JAKMIP2: variants seen among roughly 807,000 people sequenced by gnomAD.
JAKMIP2 encodes janus kinase and microtubule interacting protein 2.
Under a neutral mutation model 115.0 loss-of-function variants are expected in JAKMIP2, and 25 were observed. The observed-to-expected ratio is 0.22, with a 90% CI of 0.16 to 0.30. The LOEUF (loss-of-function observed/expected upper bound fraction) is 0.30. JAKMIP2 is among the 10% of genes least tolerant of loss of function. The probability of loss-of-function intolerance (pLI) is 1.00; values close to 1 mark genes in which losing one functional copy is unlikely to be tolerated. For synonymous variants in JAKMIP2, 334 were observed against 343.6 expected (o/e 0.97, Z 0.31); for missense variants, 642 against 957.6 (o/e 0.67, Z 4.35).
chr5:147,676,947 A>G (rs886908637), intron 1 of JAKMIP2, among the ~76,000 whole-genome samples: 18 of 152,198 alleles, frequency 1.2e-4, no homozygotes, highest in Non-Finnish European at 1.9e-4. Flanking sequence ...CTCTAGTGAT[A>G]AGAAGCTCCA....
chr5:147,678,098 G>A (rs182132129), intron 1 of JAKMIP2, among the ~76,000 whole-genome samples: 3 of 152,136 alleles, frequency 2.0e-5, no homozygotes, highest in East Asian at 3.9e-4. Context: ...TTTGCCCCCC[G>A]GATTCAAGCA....
intron 1 of JAKMIP2, among the ~76,000 whole-genome samples, chr5:147,714,359 G>A (rs1270297839): frequency 6.6e-6 from 1 of 152,122 alleles, no homozygotes; most frequent in East Asian, 1.9e-4. Flanking sequence ...GAAATCAATT[G>A]ATGAGTTCAT....
chr5:147,778,174 T>C (rs2127092074), intron 1 of JAKMIP2, among the ~76,000 whole-genome samples: 1 of 152,234 alleles, frequency 6.6e-6, no homozygotes. Context: ...AATAAGTGCA[T>C]ATTAGCCCAA....
Position 147,717,990 on chromosome 5 carries a change from A to T in JAKMIP2, c.-148-46036T>A, listed in dbSNP as rs143096004. 9.1e-3 allele frequency among the ~76,000 whole-genome samples: 691 copies of T among 75,628 alleles called. 11 individuals carry two copies. Among genetic ancestry groups the T allele is most frequent in the Admixed American group, 0.052 (324 of 6,202 alleles). 49.6% of individuals were successfully genotyped at this position (75,628 alleles called of 152,430 possible). A position where few individuals can be genotyped will look rare whatever the true frequency, so the allele number is the denominator to read the frequency against. ...ATGATATTGGCTGTGGGTTTGTCATAGATAGCTCTTATTATTTTGAAATAC... is the reference window on the plus strand; with the variant it reads ...ATGATATTGGCTGTGGGTTTGTCATTGATAGCTCTTATTATTTTGAAATAC... On this transcript the variant is annotated intron_variant, in intron 1 of 21. Transcript: ENST00000616793.
At position 147,773,018 on chromosome 5, in the gene JAKMIP2, C is replaced by G. The variant is rs189861661; in HGVS notation, c.-149+9438G>C. 1.1e-4 allele frequency among the ~76,000 whole-genome samples: 17 copies of G among 152,184 alleles called. No homozygotes were observed. In the East Asian group the frequency reaches 3.1e-3, roughly 28 times the overall value. ...GTTGTTCTGTTTTGTTCCTTTCATA[C>G]TTGCTATATTCAGAGCATATCAGAT... On this transcript the variant is annotated intron_variant, in intron 1 of 21. Transcript: ENST00000616793.
Position 147,720,172 on chromosome 5 carries a change from T to C in JAKMIP2, c.-148-48218A>G, listed in dbSNP as rs540796762. Among the ~76,000 whole-genome samples the C allele has an allele frequency of 3.9e-5, 6 of 152,334 alleles. No homozygotes were observed. In the South Asian group the frequency reaches 1.2e-3, roughly 32 times the overall value. ...TCTTGTCTTTAAGAATGTTGAATAT[T>C]GGCCCCCACTCTCTTCTGGCTTGTA... is the stretch of plus-strand genomic sequence containing the variant. On this transcript the variant is annotated intron_variant, in intron 1 of 21. Transcript: ENST00000616793.
At chr5:147,654,995 T>C (rs1173156416) in intron 3 of JAKMIP2, among the ~76,000 whole-genome samples, 1 of 152,336 alleles carries the variant, frequency 6.6e-6, no homozygotes, top group African/African-American at 2.4e-5. Context: ...GTTTATGTGA[T>C]GGATTACATT....
At chr5:147,592,686 C>T (rs908557991) in intron 21 of JAKMIP2, among the ~76,000 whole-genome samples, 1 of 152,306 alleles carries the variant, frequency 6.6e-6, no homozygotes, top group South Asian at 2.1e-4. Context: ...TATTTAACTT[C>T]TCTAAGCCTC....
At chr5:147,682,011 G>A (rs1410187243) in intron 1 of JAKMIP2, among the ~76,000 whole-genome samples, 1 of 147,940 alleles carries the variant, frequency 6.8e-6, no homozygotes, top group East Asian at 2.0e-4. Flanking sequence ...CTGCACTCCA[G>A]CCTGAGTGAC....
At position 147,632,731 on chromosome 5, in the gene JAKMIP2, C is replaced by T. The variant is rs755552130; in HGVS notation, c.1725G>A (p.Gln575=). ...GCAGCTCATTCTGGTCTCTGGCGTC[C>T]TGTAGTTCTTGTTGTAACCGGTGAT... ...AENHRLQQEL[Q]DARDQNELLE... Residue 575 remains glutamine (Q), a synonymous_variant, in exon 13 of 22, where the codon CAG becomes CAA. Coordinates refer to ENST00000616793, the MANE Select transcript of JAKMIP2 (RefSeq NM_001270941.2). The T allele has an allele frequency of 1.2e-6, 2 of 1,613,334 alleles. No individual in the cohort carries two copies. The highest frequency in any genetic ancestry group is 1.7e-5 in the Admixed American group (1 of 59,922).
intron 2 of JAKMIP2, among the ~76,000 whole-genome samples, chr5:147,667,056 A>T (rs1314435924): frequency 6.6e-6 from 1 of 152,186 alleles, no homozygotes; most frequent in Non-Finnish European, 1.5e-5. Context: ...TCCAACAGAA[A>T]GAGATGTTCA....
Position 147,589,311 on chromosome 5 carries a change from G to A in JAKMIP2, c.*2396C>T, listed in dbSNP as rs1448532301. On this transcript the variant is annotated 3_prime_UTR_variant, in exon 22 of 22. Coordinates refer to ENST00000616793, the MANE Select transcript of JAKMIP2 (RefSeq NM_001270941.2). Reference sequence around the variant, plus strand: ...AAAATACAAAAATTAGCCAGGTGTGGTGGTGTGCACCTGTAATCCCAGCTA... The same window carrying A: ...AAAATACAAAAATTAGCCAGGTGTGATGGTGTGCACCTGTAATCCCAGCTA... The A allele has an allele frequency of 1.3e-5, 2 of 152,172 alleles. No individual in the cohort carries two copies. Among genetic ancestry groups the A allele is most frequent in the African/African-American group, 4.8e-5 (2 of 41,420 alleles). The allele number at this position is 152,172 out of a possible 1,614,324, so 9.4% of individuals were successfully genotyped here.
intron 1 of JAKMIP2, among the ~76,000 whole-genome samples, chr5:147,760,536 T>C (rs1391366238): frequency 6.6e-6 from 1 of 152,022 alleles, no homozygotes; most frequent in East Asian, 1.9e-4. Flanking sequence ...AAAATGACTT[T>C]AGAATTAAGC....
chr5:147,782,602 G>A lies in JAKMIP2; in HGVS notation c.-295C>T. On this transcript the variant is annotated 5_prime_UTR_variant, in exon 1 of 22. Transcript: ENST00000616793. ...TTTCCCTCTGTCTCTGGTTGGCGAT[G>A]GTGCGAATAGGAACCACCCTTCCAG... 1 of 801,056 alleles carries A rather than the reference G, an allele frequency of 1.2e-6. No homozygotes were observed. Among genetic ancestry groups the A allele is most frequent in the Non-Finnish European group, 2.1e-6 (1 of 478,108 alleles). The allele number at this position is 801,056 out of a possible 1,614,324, so 49.6% of individuals were successfully genotyped here. A position where few individuals can be genotyped will look rare whatever the true frequency, so the allele number is the denominator to read the frequency against.
rs530312183 is a variant in JAKMIP2, at chr5:147,708,685, GT to G, written c.-148-36732del. ...GAGATGCTTTTTAAAATTGATGTAT[GT>G]TTTTTTCCTGAAAAGACGGTAGTAA... On this transcript the variant is annotated intron_variant, in intron 1 of 21. Coordinates refer to ENST00000616793, the MANE Select transcript of JAKMIP2 (RefSeq NM_001270941.2). Among the ~76,000 whole-genome samples, 31 of 152,184 alleles carry G rather than the reference GT, an allele frequency of 2.0e-4. No individual in the cohort carries two copies. In the South Asian group the frequency reaches 6.2e-3, roughly 31 times the overall value.
intron 1 of JAKMIP2, among the ~76,000 whole-genome samples, chr5:147,702,469 G>A (rs1316000807): frequency 3.6e-5 from 5 of 137,986 alleles, no homozygotes; most frequent in African/African-American, 1.4e-4. Flanking sequence ...AAGGAAGGGA[G>A]GGAGGGAAGG....
Position 147,641,740 on chromosome 5 carries a change from T to G in JAKMIP2, c.1249A>C (p.Arg417=), listed in dbSNP as rs1561509289. 1 of 1,613,498 alleles carries G rather than the reference T, an allele frequency of 6.2e-7. No individual in the cohort carries two copies. Among genetic ancestry groups the G allele is most frequent in the South Asian group, 1.1e-5 (1 of 91,056 alleles). The change falls in exon 8 of 22, where the codon AGA becomes CGA. Residue 417 remains arginine (R), a synonymous_variant. Transcript: ENST00000616793. ...TRDREKLIRR[R]KHRRSSKPIK... is the part of the protein sequence containing the mutation. Reference sequence around the variant, plus strand: ...GGCTTGGAACTTCTTCTATGCTTTCTTCTACGGATGAGCTTTTCTCGGTCC... The same window carrying G: ...GGCTTGGAACTTCTTCTATGCTTTCGTCTACGGATGAGCTTTTCTCGGTCC...
chr5:147,764,938 G>GAAAGAAAGAAAGAAAGAAAGAAA (rs1561582448), intron 1 of JAKMIP2, among the ~76,000 whole-genome samples: 1 of 93,948 alleles, frequency 1.1e-5, no homozygotes, highest in East Asian at 3.8e-4. Context: ...GAGAGAGAGA[G>GAAAGAAAGAAAGAAAGAAAGAAA]AGAGAGAGGG....
In JAKMIP2 at chr5:147,674,546, T is replaced by G. The variant is rs114822141; in HGVS notation, c.-148-2592A>C. Among the ~76,000 whole-genome samples the G allele has an allele frequency of 2.1e-3, 318 of 152,302 alleles. 2 individuals carry two copies. The highest frequency in any genetic ancestry group is 7.2e-3 in the African/African-American group (298 of 41,558). On this transcript the variant is annotated intron_variant, in intron 1 of 21. Coordinates refer to ENST00000616793, the MANE Select transcript of JAKMIP2 (RefSeq NM_001270941.2). Reference sequence around the variant, plus strand: ...AGGTGAGATTTCGAAGGTTGTTGCATGATAGGCTAGGGAGTTTGGAGTGGA... The same window carrying G: ...AGGTGAGATTTCGAAGGTTGTTGCAGGATAGGCTAGGGAGTTTGGAGTGGA...
Sources: allele counts gnomAD v4.1 joint callset (sites outside exome capture counted in the v4.1 genomes callset), GRCh38; gene constraint gnomAD v4.1.1; transcripts MANE v1.5; gene names NCBI Gene and HGNC (gene_info 2026-07-23, HGNC 2026-07-21).